Variants in NAF1 observed in about 807,000 individuals in gnomAD.
NAF1 encodes the protein nuclear assembly factor 1 ribonucleoprotein, also known as H/ACA ribonucleoprotein complex non-core subunit NAF1.
Under a neutral mutation model 40.6 loss-of-function variants are expected in NAF1, and 11 were observed. The observed-to-expected ratio is 0.27, with a 90% CI of 0.17 to 0.45. NAF1 has a LOEUF of 0.45. Among genes scored for constraint, NAF1 ranks in the 20% least tolerant of loss-of-function variants. The pLI is 1.00. For synonymous variants in NAF1, 260 were observed against 228.5 expected (o/e 1.14, Z -1.24); for missense variants, 607 against 611.1 (o/e 0.99, Z 0.07).
rs556203128 is a variant in NAF1 at position 163,146,301 on chromosome 4, T to C, written c.635-437A>G. Among the ~76,000 whole-genome samples, 6 of 152,332 alleles carry C rather than the reference T, an allele frequency of 3.9e-5. No homozygotes were observed. The East Asian group carries it at 1.2e-3, about 29-fold the overall frequency. ...TTTAGTTACTGGTATATGAAAAAGT[T>C]AAATAAAAGGCTTCACAAAAGCATC... On this transcript the variant is annotated intron_variant, in intron 3 of 7. Coordinates refer to ENST00000274054, the MANE Select transcript of NAF1 (RefSeq NM_138386.3).
chr4:163,143,418 G>A (rs1306492358), intron 4 of NAF1, among the ~76,000 whole-genome samples: 1 of 152,188 alleles, frequency 6.6e-6, no homozygotes, highest in Non-Finnish European at 1.5e-5. Flanking sequence ...TAAATGTTCT[G>A]TGTGCACCAT....
At chr4:163,137,916 T>C (rs887256503) in intron 5 of NAF1, among the ~76,000 whole-genome samples, 1 of 152,168 alleles carries the variant, frequency 6.6e-6, no homozygotes, top group African/African-American at 2.4e-5. Context: ...CAACTTTTGG[T>C]GGAGAGTTTT....
intron 6 of NAF1, 124 bp from the exon 7 acceptor site, chr4:163,133,380 G>C: frequency 1.6e-6 from 1 of 625,228 alleles, no homozygotes; most frequent in Non-Finnish European, 2.7e-6. Context: ...TTGTCTTTTT[G>C]ATACTTAATA....
At chr4:163,119,506 A>G (rs1274850317) in intron 2 of NAF1, 4 of 152,196 alleles carry the variant, frequency 2.6e-5, no homozygotes, top group African/African-American at 7.2e-5. Context: ...CAGAGCCCAC[A>G]CTAATGAACA....
At chr4:163,126,381 A>G (rs1730656141), downstream of NAF1, among the ~76,000 whole-genome samples, 1 of 152,198 alleles carries the variant, frequency 6.6e-6, no homozygotes, top group Non-Finnish European at 1.5e-5. Context: ...TCCAACCCTC[A>G]TTAATAATTT....
In NAF1 at chr4:163,144,440, C is replaced by T. The variant is rs17575000; in HGVS notation, c.717+1342G>A. ...CTGAAGAAAAGAGGGAAAAGATGTT[C>T]GATGGCTTGCTACTGAAGGTAAAAC... On this transcript the variant is annotated intron_variant, in intron 4 of 7. Transcript: ENST00000274054. Among the ~76,000 whole-genome samples, 591 of 152,244 alleles carry T rather than the reference C, an allele frequency of 3.9e-3. 6 individuals are homozygous for T. The highest frequency in any genetic ancestry group is 0.012 in the South Asian group (60 of 4,814).
Position 163,129,060 on chromosome 4 carries a change from G to T in NAF1, c.1322C>A (p.Pro441Gln). 1 of 1,535,708 alleles carries T rather than the reference G, an allele frequency of 6.5e-7. No homozygotes were observed. Among genetic ancestry groups the T allele is most frequent in the Non-Finnish European group, 8.8e-7 (1 of 1,134,846 alleles). Residue 441 changes from proline to glutamine, a missense_variant, in exon 8 of 8, where the codon CCA becomes CAA. Coordinates refer to ENST00000274054, the MANE Select transcript of NAF1 (RefSeq NM_138386.3). Reference protein sequence around the residue: ...MHNFPLRPPPPPPPPPVNMGW... With the variant: ...MHNFPLRPPPQPPPPPVNMGW... The stretch of plus-strand genomic sequence containing the variant: ...CATGTTTACAGGTGGGGGTGGTGGT[G>T]GGGGTGGAGGGCGGAGGGGAAAATT...
At position 163,153,850 on chromosome 4, in the gene NAF1, G is replaced by A. The variant is rs763994608; in HGVS notation, c.541-5416C>T. On this transcript the variant is annotated intron_variant, in intron 2 of 7. Coordinates refer to ENST00000274054, the MANE Select transcript of NAF1 (RefSeq NM_138386.3). ...CACACCGTGGAAGCTTTGTTCTTTC[G>A]CTCTTTGCAATAAATCTTGCTACTG... 2.6e-5 allele frequency among the ~76,000 whole-genome samples: 4 copies of A among 152,022 alleles called. 1 individual carries two copies. Among genetic ancestry groups the A allele is most frequent in the Admixed American group, 1.3e-4 (2 of 15,264 alleles).
downstream of NAF1, among the ~76,000 whole-genome samples, chr4:163,105,256 G>A (rs909836055): frequency 2.0e-5 from 3 of 152,188 alleles, no homozygotes; most frequent in Non-Finnish European, 4.4e-5. Flanking sequence ...GTTAATCACT[G>A]TGAACTGCAG....
At chr4:163,162,190 CAA>C (rs1203486974) in intron 2 of NAF1, among the ~76,000 whole-genome samples, 1 of 152,156 alleles carries the variant, frequency 6.6e-6, no homozygotes, top group Non-Finnish European at 1.5e-5. Context: ...GAGAAACGGA[CAA>C]AGAGGCAGAC....
chr4:163,130,053 G>A (rs1730810110), intron 7 of NAF1, among the ~76,000 whole-genome samples: 2 of 152,156 alleles, frequency 1.3e-5, no homozygotes. Flanking sequence ...GGAATACCTA[G>A]ACTTCAATCT....
chr4:163,113,372 G>C (rs1404161059), intron 2 of NAF1, among the ~76,000 whole-genome samples: 1 of 145,050 alleles, frequency 6.9e-6, no homozygotes, highest in Non-Finnish European at 1.5e-5. Flanking sequence ...GTAATCCCTT[G>C]TTTTTATTTT....
At chr4:163,138,196 GA>G (rs1422112803) in intron 5 of NAF1, among the ~76,000 whole-genome samples, 2 of 152,216 alleles carry the variant, frequency 1.3e-5, no homozygotes, top group African/African-American at 4.8e-5. Context: ...GGCACAACAT[GA>G]AAGTTATTAA....
intron 2 of NAF1, among the ~76,000 whole-genome samples, chr4:163,154,187 T>G (rs1731870301): frequency 6.6e-6 from 1 of 152,214 alleles, no homozygotes; most frequent in Admixed American, 6.5e-5. Context: ...TTGAAGTCAG[T>G]GAGACCAAGA....
intron 5 of NAF1, among the ~76,000 whole-genome samples, chr4:163,139,510 CATAATT>C (rs1408235697): frequency 6.6e-6 from 1 of 151,890 alleles, no homozygotes; most frequent in Non-Finnish European, 1.5e-5. Context: ...AATTAAATAA[CATAATT>C]ATAACAAGTT....
At chr4:163,151,975 T>C (rs767402450) in intron 2 of NAF1, among the ~76,000 whole-genome samples, 10 of 152,168 alleles carry the variant, frequency 6.6e-5, no homozygotes, top group Non-Finnish European at 1.5e-4. Context: ...AATTTACTTT[T>C]AGTAATTTTC....
At chr4:163,123,764 T>C (rs1730578238), downstream of NAF1, among the ~76,000 whole-genome samples, 4 of 152,312 alleles carry the variant, frequency 2.6e-5, no homozygotes, top group South Asian at 8.3e-4. Context: ...ACTGTAGACA[T>C]GCAAAGGGGT....
downstream of NAF1, among the ~76,000 whole-genome samples, chr4:163,122,645 A>G (rs1386081129): frequency 6.6e-6 from 1 of 152,196 alleles, no homozygotes; most frequent in Admixed American, 6.5e-5. Flanking sequence ...TCATGTTGCA[A>G]TTTAGTTGCC....
intron 3 of NAF1, among the ~76,000 whole-genome samples, chr4:163,146,711 C>T (rs999663962): frequency 1.3e-5 from 2 of 152,200 alleles, no homozygotes; most frequent in African/African-American, 4.8e-5. Flanking sequence ...CTCTGGGAGG[C>T]TGGCGAGGAA....
Sources: gnomAD v4.1 joint callset for allele counts (sites outside exome capture counted in the v4.1 genomes callset) on GRCh38, gnomAD v4.1.1 for gene constraint, MANE v1.5 for transcripts, NCBI Gene and HGNC (gene_info 2026-07-23, HGNC 2026-07-21) for gene names.